Variants in BBS9 observed in about 807,000 individuals in gnomAD.
BBS9 encodes the protein Bardet-Biedl syndrome 9.
BBS9 carries 89 observed loss-of-function variants against 117.7 expected under a neutral mutation model. The observed-to-expected ratio is 0.76, with a 90% CI of 0.64 to 0.90. The LOEUF (loss-of-function observed/expected upper bound fraction) is 0.90, where lower values mean the gene tolerates loss of function less well. BBS9 is among the 40% of genes least tolerant of loss of function. The pLI is 0.00. For missense variants in BBS9, 982 were observed against 1,042.2 expected, an observed-to-expected ratio of 0.94 and a Z score of 0.80; for synonymous variants, 379 against 370.9, an observed-to-expected ratio of 1.02 and a Z score of -0.25.
chr7:33,154,516 A>C (rs959633813), intron 3 of BBS9, among the ~76,000 whole-genome samples: 2 of 152,054 alleles, frequency 1.3e-5, no homozygotes, highest in African/African-American at 4.8e-5. Context: ...CCCAGACTGG[A>C]GTGCAATGGC....
intron 16 of BBS9, among the ~76,000 whole-genome samples, chr7:33,362,215 A>G (rs973114702): frequency 6.6e-6 from 1 of 151,964 alleles, no homozygotes; most frequent in Non-Finnish European, 1.5e-5. Context: ...CCAGCCTGTG[A>G]TATGTATTTT....
intron 9 of BBS9, among the ~76,000 whole-genome samples, chr7:33,287,537 A>T (rs1181994941): frequency 6.6e-6 from 1 of 152,206 alleles, no homozygotes; most frequent in Non-Finnish European, 1.5e-5. Context: ...ATAGGTCTTT[A>T]ACTCTAGGTT....
At chr7:33,542,193 T>G (rs1401233788) in intron 21 of BBS9, among the ~76,000 whole-genome samples, 2 of 152,110 alleles carry the variant, frequency 1.3e-5, no homozygotes, top group Non-Finnish European at 2.9e-5. Flanking sequence ...CAAGCAGTTC[T>G]CCTGCCTCAG....
intron 20 of BBS9, among the ~76,000 whole-genome samples, chr7:33,511,902 C>CT (rs1250188197): frequency 2.0e-5 from 3 of 152,184 alleles, no homozygotes; most frequent in Non-Finnish European, 4.4e-5. Flanking sequence ...TGAGTGATGA[C>CT]TGCGATGGCT....
chr7:33,155,803 A>G lies in BBS9; in HGVS notation c.328+101A>G, dbSNP rs1794017091. 2.1e-5 allele frequency: 14 copies of G among 662,208 alleles called. 3 individuals carry two copies. Among genetic ancestry groups the G allele is most frequent in the Non-Finnish European group, 3.7e-5 (14 of 377,642 alleles). 41.0% of individuals were successfully genotyped at this position (662,208 alleles called of 1,614,324 possible). A position where few individuals can be genotyped will look rare whatever the true frequency, so the allele number is the denominator to read the frequency against. ...AGTGCTGACTTGGTAGAGAACACAA[A>G]ACATTTAGTTGAATGTTTTCTTGTC... is the stretch of plus-strand genomic sequence containing the variant. On this transcript the variant is annotated intron_variant, in intron 4 of 22. Transcript: ENST00000242067.
chr7:33,177,498 C>A lies in BBS9; in HGVS notation c.349C>A (p.His117Asn). ...SVSGTLGNVE[H>N]GNQCQMKLMY... Reference sequence around the variant, plus strand: ...CTTAGGAACCTTGGGTAATGTGGAACATGGGAACCAATGTCAGATGAAATT... The same window carrying A: ...CTTAGGAACCTTGGGTAATGTGGAAAATGGGAACCAATGTCAGATGAAATT... Residue 117 changes from histidine (H) to asparagine (N), a missense_variant, in exon 5 of 23, where the codon CAT (histidine) becomes AAT (asparagine). Physicochemically the swap from His to Asn is moderately conservative, Grantham distance 68. Transcript: ENST00000242067. 1.9e-6 allele frequency: 3 copies of A among 1,608,356 alleles called. No individual in the cohort carries two copies. Among genetic ancestry groups the A allele is most frequent in the Non-Finnish European group, 1.7e-6 (2 of 1,177,340 alleles).
At chr7:33,286,891 A>G (rs1803004606) in intron 9 of BBS9, among the ~76,000 whole-genome samples, 1 of 152,180 alleles carries the variant, frequency 6.6e-6, no homozygotes, top group Admixed American at 6.5e-5. Context: ...CCCAGAGGAA[A>G]AAGTTTATAT....
At chr7:33,177,436 G>A in intron 4 of BBS9, 42 bp from the exon 5 acceptor site, 1 of 1,307,968 alleles carries the variant, frequency 7.6e-7, no homozygotes, top group South Asian at 1.2e-5. Flanking sequence ...ATGTTTTTTA[G>A]TGTACACAAA....
chr7:33,488,146 A>C (rs576197647), intron 19 of BBS9, among the ~76,000 whole-genome samples: 2 of 152,106 alleles, frequency 1.3e-5, no homozygotes, highest in Non-Finnish European at 2.9e-5. Context: ...TCCTCATATT[A>C]ATTTTTTTAT....
chr7:33,395,833 T>C (rs1827863859), intron 19 of BBS9, among the ~76,000 whole-genome samples: 1 of 152,152 alleles, frequency 6.6e-6, no homozygotes, highest in African/African-American at 2.4e-5. Context: ...CACAGAGGAA[T>C]ATATAATGAA....
At chr7:33,580,728 T>C (rs1859733492) in intron 21 of BBS9, among the ~76,000 whole-genome samples, 1 of 152,160 alleles carries the variant, frequency 6.6e-6, no homozygotes, top group African/African-American at 2.4e-5. Context: ...CTTCCAGAAA[T>C]AGCTGAAAGG....
chr7:33,308,628 A>G (rs2128545336), intron 9 of BBS9, among the ~76,000 whole-genome samples: 1 of 152,290 alleles, frequency 6.6e-6, no homozygotes, highest in Admixed American at 6.5e-5. Context: ...TGAACTTTGT[A>G]CCATAATGAT....
At chr7:33,468,967 G>A (rs1026827803) in intron 19 of BBS9, among the ~76,000 whole-genome samples, 1 of 151,524 alleles carries the variant, frequency 6.6e-6, no homozygotes, top group Non-Finnish European at 1.5e-5. Flanking sequence ...GCTTTAAACA[G>A]GCATACAGAT....
chr7:33,329,471 ATTATG>A (rs1256692247), intron 9 of BBS9, among the ~76,000 whole-genome samples: 1 of 152,168 alleles, frequency 6.6e-6, no homozygotes, highest in Non-Finnish European at 1.5e-5. Flanking sequence ...TACATGCAGT[ATTATG>A]TTTTACTTTT....
chr7:33,265,718 C>A (rs962427830), intron 7 of BBS9, among the ~76,000 whole-genome samples: 3 of 152,028 alleles, frequency 2.0e-5, no homozygotes, highest in Non-Finnish European at 4.4e-5. Context: ...TGGCCCATGC[C>A]TGTAGTTCTA....
At chr7:33,207,480 G>T (rs1241051659) in intron 5 of BBS9, among the ~76,000 whole-genome samples, 2 of 149,858 alleles carry the variant, frequency 1.3e-5, no homozygotes, top group East Asian at 3.9e-4. Flanking sequence ...AATTGTCCCA[G>T]ATTTGGCCAG....
chr7:33,413,196 G>C (rs148140985), intron 19 of BBS9, among the ~76,000 whole-genome samples: 6 of 152,242 alleles, frequency 3.9e-5, no homozygotes, highest in Admixed American at 1.3e-4. Context: ...ACAACTCTCA[G>C]TATCTAAAAA....
chr7:33,226,503 C>A (rs921505460), intron 5 of BBS9, among the ~76,000 whole-genome samples: 1 of 151,914 alleles, frequency 6.6e-6, no homozygotes, highest in Non-Finnish European at 1.5e-5. Flanking sequence ...ATACTCAAAA[C>A]AATTAAAAAA....
chr7:33,186,779 A>G (rs1308598124), intron 5 of BBS9, among the ~76,000 whole-genome samples: 1 of 152,142 alleles, frequency 6.6e-6, no homozygotes, highest in African/African-American at 2.4e-5. Context: ...TGCTTTTTTG[A>G]AGGAATATGT....
Sources: allele counts gnomAD v4.1 joint callset (sites outside exome capture counted in the v4.1 genomes callset), GRCh38; gene constraint gnomAD v4.1.1; transcripts MANE v1.5; gene names NCBI Gene and HGNC (gene_info 2026-07-23, HGNC 2026-07-21).